The following SAMD12 variants were observed in gnomAD, a reference collection of about 807,000 sequenced individuals.
SAMD12 encodes the protein sterile alpha motif domain containing 12.
Under a neutral mutation model 15.0 loss-of-function variants are expected in SAMD12, and 9 were observed. That is an observed-to-expected ratio of 0.60 (90% CI 0.36 to 1.05). The LOEUF (loss-of-function observed/expected upper bound fraction) is 1.05, where lower values mean the gene tolerates loss of function less well. Among genes scored for constraint, SAMD12 ranks in the 50% least tolerant of loss-of-function variants. SAMD12 has a pLI of 0.01. For missense variants in SAMD12, 230 were observed against 234.2 expected, an observed-to-expected ratio of 0.98 and a Z score of 0.12; for synonymous variants, 86 against 90.1, an observed-to-expected ratio of 0.96 and a Z score of 0.25.
chr8:118,531,012 G>C (rs1001961441), intron 2 of SAMD12, among the ~76,000 whole-genome samples: 10 of 152,194 alleles, frequency 6.6e-5, no homozygotes, highest in African/African-American at 2.2e-4. Context: ...CCATGACTAT[G>C]TCCTGAATGG....
chr8:118,423,434 A>G (rs976177830), intron 3 of SAMD12, among the ~76,000 whole-genome samples: 7 of 152,142 alleles, frequency 4.6e-5, no homozygotes, highest in Non-Finnish European at 1.0e-4. Context: ...CAAACAACAT[A>G]TATACACACA....
intron 3 of SAMD12, among the ~76,000 whole-genome samples, chr8:118,412,089 A>G (rs1309845530): frequency 6.6e-6 from 1 of 152,238 alleles, no homozygotes; most frequent in Non-Finnish European, 1.5e-5. Context: ...GCCCTCACCT[A>G]GAGGGTAAAG....
chr8:118,187,442 T>C (rs1292397247), downstream of SAMD12, among the ~76,000 whole-genome samples: 3 of 152,100 alleles, frequency 2.0e-5, no homozygotes, highest in African/African-American at 4.8e-5. Context: ...AAAAGATCAA[T>C]AGGAAACTAA....
intron 4 of SAMD12, among the ~76,000 whole-genome samples, chr8:118,290,204 G>A (rs3860884): frequency 0.18 from 27,738 of 152,072 alleles, 2,616 homozygotes; most frequent in Middle Eastern, 0.21. Context: ...GAGGAAAATG[G>A]GTTACCACAG....
chr8:118,387,982 A>C (rs931897958), intron 3 of SAMD12, among the ~76,000 whole-genome samples: 3 of 152,204 alleles, frequency 2.0e-5, no homozygotes, highest in Non-Finnish European at 4.4e-5. Flanking sequence ...TACTACTGGA[A>C]ACTAGTAGAC....
At chr8:118,508,854 A>AT (rs1178834780) in intron 2 of SAMD12, among the ~76,000 whole-genome samples, 1 of 152,228 alleles carries the variant, frequency 6.6e-6, no homozygotes, top group African/African-American at 2.4e-5. Context: ...AACTTTGAAC[A>AT]TAATTCCAGG....
At chr8:118,436,849 T>G (rs1055423778) in intron 3 of SAMD12, among the ~76,000 whole-genome samples, 2 of 152,210 alleles carry the variant, frequency 1.3e-5, no homozygotes, top group Non-Finnish European at 2.9e-5. Context: ...ATGCGCTGTA[T>G]GCTCACTGTG....
At chr8:118,164,170 T>G in the SAMD12 span, among the ~76,000 whole-genome samples, 1 of 152,148 alleles carries the variant, frequency 6.6e-6, no homozygotes, top group Non-Finnish European at 1.5e-5. Flanking sequence ...TTTTGTTGTT[T>G]GTTGCTGTGA....
chr8:118,583,887 C>T (rs1474422612), intron 1 of SAMD12, among the ~76,000 whole-genome samples: 2 of 152,186 alleles, frequency 1.3e-5, no homozygotes. Flanking sequence ...CAACTGTAAG[C>T]TCCTGGAAGG....
At chr8:118,340,768 C>T (rs1483586046) in intron 4 of SAMD12, among the ~76,000 whole-genome samples, 2 of 151,938 alleles carry the variant, frequency 1.3e-5, no homozygotes, top group Non-Finnish European at 2.9e-5. Flanking sequence ...GACTCTGTCT[C>T]AAAAAAATTT....
At chr8:118,292,349 G>GACACACAGAC (rs111807707) in intron 4 of SAMD12, among the ~76,000 whole-genome samples, 14 of 137,624 alleles carry the variant, frequency 1.0e-4, no homozygotes, top group African/African-American at 3.0e-4. Context: ...CAAACACACA[G>GACACACAGAC]ACACACACAC....
intron 3 of SAMD12, among the ~76,000 whole-genome samples, chr8:118,424,035 G>A (rs1305757127): frequency 6.6e-6 from 1 of 152,078 alleles, no homozygotes. Context: ...ATATGTTTAG[G>A]AAATGGGTTG....
chr8:118,255,558 T>C (rs1290145660), intron 4 of SAMD12, among the ~76,000 whole-genome samples: 7 of 130,534 alleles, frequency 5.4e-5, no homozygotes, highest in South Asian at 2.6e-4. Context: ...CCTGTGTCCA[T>C]GTGTTCTCAT....
intron 2 of SAMD12, among the ~76,000 whole-genome samples, chr8:118,443,059 A>C (rs1457502286): frequency 1.3e-5 from 2 of 152,240 alleles, no homozygotes; most frequent in South Asian, 4.1e-4. Context: ...ATAAATTCAG[A>C]GATTCTGAGG....
intron 2 of SAMD12, among the ~76,000 whole-genome samples, chr8:118,575,720 A>G (rs1042301631): frequency 2.6e-5 from 4 of 152,186 alleles, no homozygotes; most frequent in Admixed American, 2.0e-4. Flanking sequence ...AAGGATTATC[A>G]ACCTTATGAA....
intron 4 of SAMD12, among the ~76,000 whole-genome samples, chr8:118,338,417 T>C (rs2450315): frequency 0.56 from 85,608 of 152,004 alleles, 24,297 homozygotes; most frequent in East Asian, 0.67. Context: ...TATTCTTTGG[T>C]CTAATTACCA....
At chr8:118,423,532 T>C (rs1211457698) in intron 3 of SAMD12, among the ~76,000 whole-genome samples, 4 of 152,148 alleles carry the variant, frequency 2.6e-5, no homozygotes, top group African/African-American at 9.7e-5. Flanking sequence ...TAAGCAGACT[T>C]CCCAGTCAAC....
In SAMD12 at chr8:118,421,461, A is replaced by G. The variant is rs115150567; in HGVS notation, c.322+18371T>C. On this transcript the variant is annotated intron_variant, in intron 3 of 3. Transcript: ENST00000314727. The stretch of plus-strand genomic sequence containing the variant: ...GTAATTGCTGAGCTTGTATCTATCA[A>G]TGTCACCAAGGTAGTTTTAGGGTTA... Among the ~76,000 whole-genome samples the G allele has an allele frequency of 7.9e-3, 1,209 of 152,296 alleles. 26 individuals are homozygous for G. Among genetic ancestry groups the G allele is most frequent in the African/African-American group, 0.026 (1,098 of 41,548 alleles).
At chr8:118,444,884 G>GTACAAACTC (rs1822864026) in intron 2 of SAMD12, among the ~76,000 whole-genome samples, 1 of 152,272 alleles carries the variant, frequency 6.6e-6, no homozygotes, top group African/African-American at 2.4e-5. Context: ...CCCAATGGTT[G>GTACAAACTC]TACAAACTCT....
Sources: allele counts gnomAD v4.1 joint callset (sites outside exome capture counted in the v4.1 genomes callset), GRCh38; gene constraint gnomAD v4.1.1; transcripts MANE v1.5; gene names NCBI Gene and HGNC (gene_info 2026-07-23, HGNC 2026-07-21).